The following TGM5 variants were observed in gnomAD, a reference collection of about 807,000 sequenced individuals.
TGM5 encodes transglutaminase 5, also known as protein-glutamine gamma-glutamyltransferase 5.
TGM5 carries 69 observed loss-of-function variants against 77.2 expected under a neutral mutation model. The ratio of observed to expected loss-of-function variants is 0.89; its 90% CI spans 0.74 to 1.09. The LOEUF (loss-of-function observed/expected upper bound fraction) is 1.09, where lower values mean the gene tolerates loss of function less well. Ranked by LOEUF, TGM5 falls within the 50% of genes least tolerant of loss-of-function variation. The pLI is 0.00. For synonymous variants in TGM5, 346 were observed against 351.8 expected, an observed-to-expected ratio of 0.98 and a Z score of 0.18; for missense variants, 842 against 896.5, an observed-to-expected ratio of 0.94 and a Z score of 0.78.
chr15:43,242,540 CA>C (rs2042644002), intron 6 of TGM5, among the ~76,000 whole-genome samples: 1 of 152,192 alleles, frequency 6.6e-6, no homozygotes, highest in Non-Finnish European at 1.5e-5. Flanking sequence ...ACACTACTGT[CA>C]TTTCTTAAAA....
chr15:43,266,485 G>C (rs185492261), intron 1 of TGM5, among the ~76,000 whole-genome samples: 20 of 152,332 alleles, frequency 1.3e-4, no homozygotes, highest in African/African-American at 4.8e-4. Context: ...TTTCAGGCAA[G>C]GGGGTTGGAA....
intron 6 of TGM5, among the ~76,000 whole-genome samples, chr15:43,244,219 G>A (rs2042656747): frequency 6.6e-6 from 1 of 152,168 alleles, no homozygotes; most frequent in Non-Finnish European, 1.5e-5. Flanking sequence ...TAATGTGTCT[G>A]TCTTACCTTG....
Position 43,260,433 on chromosome 15 carries a change from C to T in TGM5, c.157G>A (p.Gly53Ser). The change falls in exon 2 of 13, where the codon GGC (glycine) becomes AGC (serine). Residue 53 changes from glycine to serine, a missense_variant. Physicochemically the swap from Gly to Ser is moderately conservative, Grantham distance 56. Coordinates refer to ENST00000220420, the MANE Select transcript of TGM5 (RefSeq NM_201631.4). ...LYFRNRSFQPGLDNIIFVVET... is the reference protein window; with the variant it reads ...LYFRNRSFQPSLDNIIFVVET... ...ACCACGAAGATGATGTTGTCCAGGC[C>T]TGGCTGGAAGCTCCGGTTCCTGAAG... The T allele has an allele frequency of 6.2e-7, 1 of 1,614,180 alleles. No individual in the cohort carries two copies. Among genetic ancestry groups the T allele is most frequent in the Non-Finnish European group, 8.5e-7 (1 of 1,180,028 alleles).
chr15:43,254,050 C>T (rs1408653533), intron 4 of TGM5, among the ~76,000 whole-genome samples: 3 of 152,262 alleles, frequency 2.0e-5, no homozygotes, highest in Non-Finnish European at 4.4e-5. Flanking sequence ...GCAGCTACTG[C>T]TGAAGTGAGG....
Position 43,233,348 on chromosome 15 carries a change from C to T in TGM5, c.2010-4G>A, listed in dbSNP as rs1489096831. On this transcript the variant is annotated splice_region_variant and splice_polypyrimidine_tract_variant and intron_variant, in intron 12 of 12. Coordinates refer to ENST00000220420, the MANE Select transcript of TGM5 (RefSeq NM_201631.4). ...TTGGGGTTTGAGGACTCCAAGGCTG[C>T]AACAGAGAATGGAGCATGTCAGAAA... The T allele has an allele frequency of 1.2e-6, 2 of 1,613,350 alleles. No individual in the cohort carries two copies. Among genetic ancestry groups the T allele is most frequent in the African/African-American group, 2.7e-5 (2 of 74,886 alleles).
At position 43,252,859 on chromosome 15, in the gene TGM5, C is replaced by T. The variant is rs754264685; in HGVS notation, c.762G>A (p.Glu254=). 35 of 1,614,034 alleles carry T rather than the reference C, an allele frequency of 2.2e-5. No individual in the cohort carries two copies. Among genetic ancestry groups the T allele is most frequent in the Non-Finnish European group, 2.9e-5 (34 of 1,180,024 alleles). The change falls in exon 6 of 13, where the codon GAG becomes GAA. Residue 254 remains glutamate, a synonymous_variant. Transcript: ENST00000220420. ...TCAGGATGGCCACGCTGCCCGTCCA[C>T]TCCGCAGGGTTGGCGCCGTCTGTGT... ...ENYTDGANPA[E]WTGSVAILKQ...
At chr15:43,259,083 A>G (rs1021444578) in intron 3 of TGM5, among the ~76,000 whole-genome samples, 1 of 152,134 alleles carries the variant, frequency 6.6e-6, no homozygotes, top group African/African-American at 2.4e-5. Flanking sequence ...AGGTAGAAAG[A>G]GAGGGAAGAT....
At chr15:43,239,541 A>C in intron 7 of TGM5, 1 of 486,248 alleles carries the variant, frequency 2.1e-6, no homozygotes, top group Non-Finnish European at 3.7e-6. Flanking sequence ...TTAACTAGGC[A>C]TCATGGCACA....
At chr15:43,256,747 C>T in intron 3 of TGM5, 61 bp from the exon 4 acceptor site, 1 of 1,202,080 alleles carries the variant, frequency 8.3e-7, no homozygotes, top group Non-Finnish European at 1.2e-6. Flanking sequence ...CTGCCCCATT[C>T]TCATCCCCAC....
At chr15:43,236,474 G>T (rs1206681541) in intron 9 of TGM5, among the ~76,000 whole-genome samples, 1 of 152,198 alleles carries the variant, frequency 6.6e-6, no homozygotes, top group African/African-American at 2.4e-5. Flanking sequence ...GGCCGCATGT[G>T]CAGGAATACT....
At chr15:43,234,742 CA>C (rs2042574525) in intron 11 of TGM5, 26 bp downstream of exon 11, 1 of 1,614,018 alleles carries the variant, frequency 6.2e-7, no homozygotes, top group African/African-American at 1.3e-5. Flanking sequence ...AGGAGCCCCA[CA>C]AGCCATTTGC....
chr15:43,238,688 G>C, intron 9 of TGM5, 129 bp downstream of exon 9: 35 of 1,422,960 alleles, frequency 2.5e-5, no homozygotes, highest in Non-Finnish European at 3.4e-5. Context: ...CCCAACTGGG[G>C]CCTCAAAACT....
intron 1 of TGM5, among the ~76,000 whole-genome samples, chr15:43,261,279 CAG>C (rs757012616): frequency 5.2e-4 from 79 of 151,808 alleles, no homozygotes; most frequent in Non-Finnish European, 4.4e-4. Flanking sequence ...TTAGTAAAGA[CAG>C]GGTTTCACCG....
At chr15:43,261,074 GTGTTTTTTTTTTT>G (rs1253700912) in intron 1 of TGM5, among the ~76,000 whole-genome samples, 27 of 73,866 alleles carry the variant, frequency 3.7e-4, no homozygotes, top group Non-Finnish European at 6.6e-4. Flanking sequence ...TTTTGTGTGT[GTGTTTTTTTTTTT>G]TTTTTTTTTT....
Position 43,253,552 on chromosome 15 carries a change from G to A in TGM5, c.638C>T (p.Ala213Val), listed in dbSNP as rs1157986082. 1.2e-6 allele frequency: 2 copies of A among 1,613,764 alleles called. No individual in the cohort carries two copies. The highest frequency in any genetic ancestry group is 1.3e-5 in the African/African-American group (1 of 75,060). The change falls in exon 5 of 13, where the codon GCT becomes GTT. Residue 213 changes from alanine to valine, a missense_variant. Coordinates refer to ENST00000220420, the MANE Select transcript of TGM5 (RefSeq NM_201631.4). ...GACGTAGACGGGGCTTCCCCGCAGA[G>A]CACAGTCTGTGGCTGGGTCAGTCTG... The part of the protein sequence containing the change: ...HFQTDPATDC[A>V]LRGSPVYVSR...
At chr15:43,249,235 C>T (rs975572872) in intron 6 of TGM5, among the ~76,000 whole-genome samples, 3 of 152,212 alleles carry the variant, frequency 2.0e-5, no homozygotes, top group African/African-American at 7.2e-5. Flanking sequence ...CAGGCATATT[C>T]CCAGGATGCC....
chr15:43,259,828 T>C (rs2042771347), intron 3 of TGM5, among the ~76,000 whole-genome samples: 1 of 152,278 alleles, frequency 6.6e-6, no homozygotes, highest in African/African-American at 2.4e-5. Context: ...ACAGTTTTTC[T>C]GTTTAAGCAA....
In TGM5 at chr15:43,252,787, G is replaced by A. The variant is rs2042714149; in HGVS notation, c.834C>T (p.Cys278=). 3 of 1,613,978 alleles carry A rather than the reference G, an allele frequency of 1.9e-6. No homozygotes were observed. The highest frequency in any genetic ancestry group is 2.5e-6 in the Non-Finnish European group (3 of 1,180,046). The stretch of plus-strand genomic sequence containing the variant: ...TGCACATGACGGCAGCAAAGACCCA[G>A]CATTGCCCGTAGCGCACGGGCTGGC... ...TGCQPVRYGQ[C]WVFAAVMCTV... Residue 278 remains cysteine, a synonymous_variant, in exon 6 of 13, where the codon TGC becomes TGT. Transcript: ENST00000220420.
Position 43,256,690 on chromosome 15 carries a change from G to C in TGM5, c.437-4C>G. On this transcript the variant is annotated splice_polypyrimidine_tract_variant and splice_region_variant and intron_variant, in intron 3 of 12. Coordinates refer to ENST00000220420, the MANE Select transcript of TGM5 (RefSeq NM_201631.4). ...CTGTCCAAGTAGACAGCATCCTCTAGGAACCAGAGTGGGAGGGCACGAAGC... is the reference window on the plus strand; with the variant it reads ...CTGTCCAAGTAGACAGCATCCTCTACGAACCAGAGTGGGAGGGCACGAAGC... The C allele has an allele frequency of 6.2e-7, 1 of 1,604,172 alleles. No individual in the cohort carries two copies. The highest frequency in any genetic ancestry group is 8.5e-7 in the Non-Finnish European group (1 of 1,171,166).
Sources: allele counts gnomAD v4.1 joint callset (sites outside exome capture counted in the v4.1 genomes callset), GRCh38; gene constraint gnomAD v4.1.1; transcripts MANE v1.5; gene names NCBI Gene and HGNC (gene_info 2026-07-23, HGNC 2026-07-21).